The following GALNT13 variants were observed in gnomAD, a reference collection of about 807,000 sequenced individuals.
GALNT13 encodes polypeptide N-acetylgalactosaminyltransferase 13.
GALNT13 carries 28 observed loss-of-function variants against 64.2 expected under a neutral mutation model. That is an observed-to-expected ratio of 0.44 (90% CI 0.32 to 0.60). GALNT13 has a LOEUF of 0.60. GALNT13 is among the 20% of genes least tolerant of loss of function. The pLI, the probability that GALNT13 is intolerant of heterozygous loss-of-function variation, is 0.05. For synonymous variants in GALNT13, 214 were observed against 224.6 expected (o/e 0.95, Z 0.42); for missense variants, 577 against 669.8 (o/e 0.86, Z 1.53).
the GALNT13 span, among the ~76,000 whole-genome samples, chr2:153,486,932 G>A: frequency 2.1e-3 from 316 of 152,284 alleles, 7 homozygotes; most frequent in Non-Finnish European, 5.1e-4. Flanking sequence ...AGTTGCACCA[G>A]CTTCAATATG....
At chr2:154,306,626 G>GGGT (rs1553512852) in intron 9 of GALNT13, among the ~76,000 whole-genome samples, 1 of 148,500 alleles carries the variant, frequency 6.7e-6, no homozygotes, top group Non-Finnish European at 1.5e-5. Context: ...GGTGGGGGGG[G>GGGT]GGTCAAGAAA....
At chr2:153,322,326 C>G in the GALNT13 span, among the ~76,000 whole-genome samples, 1 of 152,056 alleles carries the variant, frequency 6.6e-6, no homozygotes, top group African/African-American at 2.4e-5. Flanking sequence ...ATCCATGTTG[C>G]TGCAAAGGGC....
At chr2:153,400,814 CT>C in the GALNT13 span, among the ~76,000 whole-genome samples, 7 of 152,218 alleles carry the variant, frequency 4.6e-5, no homozygotes, top group African/African-American at 1.2e-4. Flanking sequence ...ATTCTTCTCT[CT>C]TTTTTTCTTT....
At chr2:153,652,834 T>C in the GALNT13 span, among the ~76,000 whole-genome samples, 1 of 152,184 alleles carries the variant, frequency 6.6e-6, no homozygotes, top group Non-Finnish European at 1.5e-5. Flanking sequence ...TTCAGATTAA[T>C]ACTAAATTAT....
At chr2:154,291,827 C>T (rs1692659520) in intron 8 of GALNT13, among the ~76,000 whole-genome samples, 1 of 152,264 alleles carries the variant, frequency 6.6e-6, no homozygotes, top group African/African-American at 2.4e-5. Flanking sequence ...GTGCCGAGAG[C>T]AAGCGAGGAC....
At chr2:153,359,517 G>A in the GALNT13 span, among the ~76,000 whole-genome samples, 31 of 151,122 alleles carry the variant, frequency 2.1e-4, no homozygotes, top group Non-Finnish European at 4.4e-4. Context: ...TCCATTGGAT[G>A]CAGCACAAAC....
the GALNT13 span, among the ~76,000 whole-genome samples, chr2:153,372,569 CA>C: frequency 6.6e-6 from 1 of 151,784 alleles, no homozygotes; most frequent in African/African-American, 2.4e-5. Flanking sequence ...TCACTTGAAC[CA>C]GGGGGGCAGA....
intron 8 of GALNT13, among the ~76,000 whole-genome samples, chr2:154,282,841 T>G (rs1006252718): frequency 1.3e-5 from 2 of 152,172 alleles, no homozygotes; most frequent in Admixed American, 6.5e-5. Context: ...GATGTTATCA[T>G]TACCTCAGAC....
the GALNT13 span, among the ~76,000 whole-genome samples, chr2:153,807,492 G>A: frequency 1.3e-5 from 2 of 151,670 alleles, no homozygotes; most frequent in Non-Finnish European, 2.9e-5. Context: ...TATTGTATAT[G>A]TATAAAATAT....
At chr2:153,965,530 T>C (rs1693270818) in intron 3 of GALNT13, among the ~76,000 whole-genome samples, 1 of 152,156 alleles carries the variant, frequency 6.6e-6, no homozygotes, top group South Asian at 2.1e-4. Context: ...AAATGACATA[T>C]TCTGCCATTT....
In GALNT13 at chr2:153,935,055, A is replaced by G. The variant is rs1690805055; in HGVS notation, c.-104-9339A>G. On this transcript the variant is annotated intron_variant, in intron 2 of 12. Coordinates refer to ENST00000392825, the MANE Select transcript of GALNT13 (RefSeq NM_052917.4). ...AGTTTTTCTCATACAGCATTTATAT[A>G]AGGCTATTATGAGCAGAACTTCTAA... 3.9e-5 allele frequency among the ~76,000 whole-genome samples: 6 copies of G among 152,274 alleles called. No homozygotes were observed. The South Asian group carries it at 1.2e-3, about 32-fold the overall frequency.
At chr2:153,939,941 C>G (rs1020608056) in intron 2 of GALNT13, among the ~76,000 whole-genome samples, 3 of 152,122 alleles carry the variant, frequency 2.0e-5, no homozygotes, top group Admixed American at 2.0e-4. Context: ...AACCCAGACT[C>G]AAATCATGAC....
At chr2:153,239,144 T>G in the GALNT13 span, among the ~76,000 whole-genome samples, 16 of 152,192 alleles carry the variant, frequency 1.1e-4, no homozygotes, top group Non-Finnish European at 1.8e-4. Context: ...GATTTTTCAC[T>G]GTTGGCATAT....
At chr2:153,377,671 G>A in the GALNT13 span, among the ~76,000 whole-genome samples, 3 of 152,206 alleles carry the variant, frequency 2.0e-5, no homozygotes, top group South Asian at 2.1e-4. Context: ...CATGCTTCTT[G>A]TACAGCTTGC....
the GALNT13 span, among the ~76,000 whole-genome samples, chr2:153,552,388 T>A: frequency 2.0e-5 from 3 of 152,078 alleles, no homozygotes; most frequent in African/African-American, 2.4e-5. Flanking sequence ...AAAGGACAAT[T>A]GCAAGGACGA....
chr2:153,260,459 T>C, the GALNT13 span, among the ~76,000 whole-genome samples: 3 of 152,206 alleles, frequency 2.0e-5, no homozygotes, highest in Non-Finnish European at 4.4e-5. Context: ...AAGAATATGT[T>C]CACTGGATAT....
the GALNT13 span, among the ~76,000 whole-genome samples, chr2:153,498,469 C>T: frequency 6.6e-6 from 1 of 152,210 alleles, no homozygotes; most frequent in African/African-American, 2.4e-5. Flanking sequence ...CGAGTGAGCA[C>T]GGGGTCCAGC....
At chr2:153,571,280 T>C in the GALNT13 span, among the ~76,000 whole-genome samples, 1 of 152,072 alleles carries the variant, frequency 6.6e-6, no homozygotes, top group Non-Finnish European at 1.5e-5. Context: ...GATATAGAAA[T>C]GCTACTGATT....
chr2:154,135,591 T>C (rs974636187), intron 3 of GALNT13, among the ~76,000 whole-genome samples: 5 of 152,220 alleles, frequency 3.3e-5, no homozygotes, highest in Admixed American at 6.5e-5. Context: ...ACTATCATAT[T>C]GATATGTGAA....
Sources: gnomAD v4.1 joint callset for allele counts (sites outside exome capture counted in the v4.1 genomes callset) on GRCh38, gnomAD v4.1.1 for gene constraint, MANE v1.5 for transcripts, NCBI Gene and HGNC (gene_info 2026-07-23, HGNC 2026-07-21) for gene names.